RNF157: variants seen among roughly 807,000 people sequenced by gnomAD.
The protein encoded by RNF157 is E3 ubiquitin ligase RNF157.
A neutral mutation model predicts 88.3 loss-of-function variants in RNF157; 55 were observed. That is an observed-to-expected ratio of 0.62 (90% CI 0.50 to 0.78). The LOEUF (loss-of-function observed/expected upper bound fraction) is 0.78, where lower values mean the gene tolerates loss of function less well. Among genes scored for constraint, RNF157 ranks in the 30% least tolerant of loss-of-function variants. The pLI is 0.00. For missense variants in RNF157, 788 were observed against 860.8 expected (o/e 0.92, Z 1.06); for synonymous variants, 334 against 341.2 (o/e 0.98, Z 0.23).
intron 3 of RNF157, among the ~76,000 whole-genome samples, chr17:76,172,607 C>CAAAAAAAAAAAAAAAAAAAAAAAAAA (rs35297368): frequency 3.2e-5 from 1 of 31,704 alleles, no homozygotes; most frequent in African/African-American, 1.2e-4. Context: ...AACTCCATCT[C>CAAAAAAAAAAAAAAAAAAAAAAAAAA]AAAAAAAAAA....
chr17:76,183,496 C>T (rs1056601033), intron 2 of RNF157, among the ~76,000 whole-genome samples: 2 of 151,896 alleles, frequency 1.3e-5, no homozygotes, highest in Non-Finnish European at 2.9e-5. Context: ...GCTATGTTTC[C>T]ATGCTGGAAT....
intron 1 of RNF157, among the ~76,000 whole-genome samples, chr17:76,232,225 A>G (rs1164144716): frequency 9.9e-5 from 15 of 152,182 alleles, no homozygotes; most frequent in Non-Finnish European, 4.4e-5. Flanking sequence ...TTTACAAAAC[A>G]TAAATTTAAA....
chr17:76,227,089 C>T (rs1486859633), intron 1 of RNF157, among the ~76,000 whole-genome samples: 2 of 151,902 alleles, frequency 1.3e-5, no homozygotes, highest in Non-Finnish European at 2.9e-5. Flanking sequence ...AGTAGAAATG[C>T]CAAATAATAT....
chr17:76,146,275 T>C lies in RNF157; in HGVS notation c.1922-922A>G. On this transcript the variant is annotated intron_variant, in intron 18 of 18. Transcript: ENST00000269391. The surrounding 1 kb of genome is among the most constrained non-coding windows in gnomAD (Gnocchi z 4.2). ...GGCCTTGGTTTTCTCACCCATCAGA[T>C]GGGACATGCGTACTGACCTCACGGG... The C allele has an allele frequency of 1.1e-6, 1 of 886,868 alleles. No individual in the cohort carries two copies. Among genetic ancestry groups the C allele is most frequent in the Non-Finnish European group, 1.4e-6 (1 of 739,888 alleles). The allele number at this position is 886,868 out of a possible 1,614,324, so 54.9% of individuals were successfully genotyped here.
At chr17:76,148,656 C>A (rs938793117) in intron 18 of RNF157, among the ~76,000 whole-genome samples, 2 of 151,270 alleles carry the variant, frequency 1.3e-5, no homozygotes, top group Admixed American at 6.6e-5. Flanking sequence ...CTGCAACCTC[C>A]GGTTCCCAGG....
At chr17:76,155,871 G>T (rs2068755538) in intron 14 of RNF157, 137 bp from the exon 15 acceptor site, 4 of 776,822 alleles carry the variant, frequency 5.1e-6, no homozygotes, top group Non-Finnish European at 8.0e-6. Flanking sequence ...CCTAAAAGTG[G>T]TTTTAGGTTT....
intron 1 of RNF157, among the ~76,000 whole-genome samples, chr17:76,235,062 T>C (rs938694401): frequency 9.2e-5 from 14 of 152,372 alleles, no homozygotes; most frequent in East Asian, 1.9e-4. Context: ...TGTGGCATTA[T>C]AGTAATTATA....
At chr17:76,188,880 G>A (rs986567662) in intron 2 of RNF157, among the ~76,000 whole-genome samples, 2 of 152,174 alleles carry the variant, frequency 1.3e-5, no homozygotes, top group African/African-American at 4.8e-5. Flanking sequence ...TAAGTCATGT[G>A]ATATTATGTA....
At chr17:76,173,033 T>A (rs1403874524) in intron 3 of RNF157, among the ~76,000 whole-genome samples, 1 of 152,188 alleles carries the variant, frequency 6.6e-6, no homozygotes, top group Non-Finnish European at 1.5e-5. Context: ...ACGCCTGTAA[T>A]CCCAGCACTT....
intron 18 of RNF157, chr17:76,147,317 G>A: frequency 7.1e-6 from 7 of 986,042 alleles, no homozygotes; most frequent in Non-Finnish European, 8.4e-6. Flanking sequence ...CGGCTGTTCA[G>A]TAGGAAAGAC....
intron 1 of RNF157, among the ~76,000 whole-genome samples, chr17:76,227,518 T>C (rs549287359): frequency 6.6e-6 from 1 of 152,224 alleles, no homozygotes; most frequent in South Asian, 2.1e-4. Context: ...GCTATTTTCT[T>C]TTCATTTTAT....
At chr17:76,206,002 G>A (rs558026193) in intron 2 of RNF157, among the ~76,000 whole-genome samples, 46 of 152,278 alleles carry the variant, frequency 3.0e-4, no homozygotes, top group African/African-American at 9.4e-4. Flanking sequence ...GGCCAAGACA[G>A]GAAGACTACT....
intron 2 of RNF157, among the ~76,000 whole-genome samples, chr17:76,208,550 CATT>C (rs1178977205): frequency 2.6e-5 from 4 of 152,154 alleles, no homozygotes; most frequent in South Asian, 4.1e-4. Flanking sequence ...TGTTAGCCAT[CATT>C]ATTATTATCA....
At position 76,157,585 on chromosome 17, in the gene RNF157, G is replaced by A. The variant is rs16968610; in HGVS notation, c.1413+808C>T. On this transcript the variant is annotated intron_variant, in intron 13 of 18. Coordinates refer to ENST00000269391, the MANE Select transcript of RNF157 (RefSeq NM_052916.3). The surrounding 1 kb of genome is among the most constrained non-coding windows in gnomAD (Gnocchi z 5.6). ...TCCATCTCTGACACAGCAATTTATCGTCTCTGTTTTGGGCATACTTCTTTT... is the reference window on the plus strand; with the variant it reads ...TCCATCTCTGACACAGCAATTTATCATCTCTGTTTTGGGCATACTTCTTTT... Among the ~76,000 whole-genome samples the A allele has an allele frequency of 0.012, 1,789 of 152,162 alleles. 29 individuals are homozygous for A. The highest frequency in any genetic ancestry group is 0.04 in the African/African-American group (1,665 of 41,488).
rs772527541 is a variant in RNF157 at position 76,161,536 on chromosome 17, G to A, written c.1064C>T (p.Pro355Leu). 4 of 1,612,550 alleles carry A rather than the reference G, an allele frequency of 2.5e-6. No homozygotes were observed. The African/African-American group carries it at 5.3e-5, about 22-fold the overall frequency. Residue 355 changes from proline to leucine, a missense_variant and splice_region_variant, in exon 11 of 19, where the codon CCA (proline) becomes CTA (leucine). Coordinates refer to ENST00000269391, the MANE Select transcript of RNF157 (RefSeq NM_052916.3). This position sits in a 1 kb window ranked among gnomAD's most constrained non-coding sequence, Gnocchi z 4.6. ...GCCGTGGTTCCGAGCCCAACTTACT[G>A]GATGCTCTTCAGAGTCAGATGTCTG... ...SSQTSDSEEH[P>L]SSENIPPGYE...
At chr17:76,173,919 G>A (rs2069061046) in intron 2 of RNF157, 129 bp from the exon 3 acceptor site, 4 of 738,270 alleles carry the variant, frequency 5.4e-6, no homozygotes, top group Admixed American at 2.8e-5. Flanking sequence ...AATTAAGTGA[G>A]GAAACTGAAA....
chr17:76,159,652 T>C, intron 11 of RNF157, 79 bp from the exon 12 acceptor site: 4 of 1,016,366 alleles, frequency 3.9e-6, no homozygotes, highest in Non-Finnish European at 6.0e-6. Flanking sequence ...TTCTCTACAC[T>C]GAAAAAAATG....
chr17:76,214,335 G>A (rs1024090570), intron 1 of RNF157, among the ~76,000 whole-genome samples: 3 of 152,124 alleles, frequency 2.0e-5, no homozygotes, highest in African/African-American at 7.2e-5. Flanking sequence ...CTTGTGTTGT[G>A]AGTGTATAGG....
In RNF157 at chr17:76,156,193, C is replaced by A; in HGVS notation, c.1525+17G>T. On this transcript the variant is annotated intron_variant, in intron 14 of 18. Coordinates refer to ENST00000269391, the MANE Select transcript of RNF157 (RefSeq NM_052916.3). ...TAAGGGGGAAGGACATGCAGCCACT[C>A]CCCGCTCCTTATGTACCTTCTGGGG... 1 of 1,596,418 alleles carries A rather than the reference C, an allele frequency of 6.3e-7. No homozygotes were observed. Among genetic ancestry groups the A allele is most frequent in the Non-Finnish European group, 8.6e-7 (1 of 1,164,080 alleles).
Sources: gnomAD v4.1 joint callset for allele counts (sites outside exome capture counted in the v4.1 genomes callset) on GRCh38, gnomAD v4.1.1 for gene constraint, Gnocchi (gnomAD v3.1) non-coding constraint, MANE v1.5 for transcripts, NCBI Gene and HGNC (gene_info 2026-07-23, HGNC 2026-07-21) for gene names.